PPM1H: variants seen among roughly 807,000 people sequenced by gnomAD.
The protein encoded by PPM1H is protein phosphatase, Mg2+/Mn2+ dependent 1H.
A neutral mutation model predicts 54.9 loss-of-function variants in PPM1H; 27 were observed. That is an observed-to-expected ratio of 0.49 (90% CI 0.36 to 0.68). The LOEUF is 0.68. Among genes scored for constraint, PPM1H ranks in the 30% least tolerant of loss-of-function variants. The pLI, the probability that PPM1H is intolerant of heterozygous loss-of-function variation, is 0.00. For synonymous variants in PPM1H, 305 were observed against 270.8 expected (o/e 1.13, Z -1.24); for missense variants, 596 against 667.8 (o/e 0.89, Z 1.19).
chr12:62,871,511 C>CTTTTT (rs375570472), intron 1 of PPM1H, among the ~76,000 whole-genome samples: 1 of 119,162 alleles, frequency 8.4e-6, no homozygotes, highest in Admixed American at 8.8e-5. Flanking sequence ...AACTGTGGTA[C>CTTTTT]TTTTTTTTTT....
intron 1 of PPM1H, among the ~76,000 whole-genome samples, chr12:62,858,490 G>T (rs77591420): frequency 0.029 from 4,352 of 152,046 alleles, 96 homozygotes; most frequent in East Asian, 0.081. Context: ...AACTCTACAG[G>T]TTTCCTAAAA....
intron 1 of PPM1H, among the ~76,000 whole-genome samples, chr12:62,843,541 A>G (rs951248308): frequency 6.6e-6 from 1 of 152,208 alleles, no homozygotes; most frequent in Admixed American, 6.5e-5. Context: ...GCTCACACAT[A>G]TGATAATCTT....
intron 3 of PPM1H, among the ~76,000 whole-genome samples, chr12:62,800,080 A>C (rs1324830918): frequency 1.3e-5 from 2 of 152,258 alleles, no homozygotes; most frequent in Non-Finnish European, 1.5e-5. Flanking sequence ...AAAAGCTGAG[A>C]CCAAAGAAGG....
At chr12:62,899,726 A>T (rs1871101177) in intron 1 of PPM1H, among the ~76,000 whole-genome samples, 1 of 152,252 alleles carries the variant, frequency 6.6e-6, no homozygotes, top group African/African-American at 2.4e-5. Flanking sequence ...AAACAGCCTC[A>T]GTCCTCACTA....
intron 4 of PPM1H, among the ~76,000 whole-genome samples, chr12:62,740,375 T>C (rs1592573184): frequency 6.6e-6 from 1 of 152,196 alleles, no homozygotes; most frequent in Non-Finnish European, 1.5e-5. Flanking sequence ...GCACCAGGGA[T>C]ACAACTTCTT....
At chr12:62,816,153 C>T (rs2120793317) in intron 2 of PPM1H, among the ~76,000 whole-genome samples, 1 of 152,198 alleles carries the variant, frequency 6.6e-6, no homozygotes, top group Middle Eastern at 3.4e-3. Context: ...GTCTCAACTG[C>T]TAATGGATAC....
chr12:62,855,166 T>G (rs1239865691), intron 1 of PPM1H, among the ~76,000 whole-genome samples: 1 of 152,204 alleles, frequency 6.6e-6, no homozygotes, highest in Admixed American at 6.5e-5. Context: ...CCAGTTTGCC[T>G]GGCACTATTC....
intron 6 of PPM1H, among the ~76,000 whole-genome samples, chr12:62,704,663 G>A (rs1592553305): frequency 6.6e-6 from 1 of 152,320 alleles, no homozygotes; most frequent in African/African-American, 2.4e-5. Context: ...ATTAATATTT[G>A]GTGATAAACA....
intron 5 of PPM1H, among the ~76,000 whole-genome samples, chr12:62,726,876 A>G (rs2076292785): frequency 6.6e-6 from 1 of 152,118 alleles, no homozygotes; most frequent in Non-Finnish European, 1.5e-5. Context: ...AAAGTCTGTA[A>G]AGTGTTGGGG....
At chr12:62,787,349 G>C (rs1028609977) in intron 4 of PPM1H, among the ~76,000 whole-genome samples, 2 of 152,170 alleles carry the variant, frequency 1.3e-5, no homozygotes, top group Non-Finnish European at 2.9e-5. Flanking sequence ...GAAGAGTCCT[G>C]TACTTTTACT....
intron 5 of PPM1H, among the ~76,000 whole-genome samples, chr12:62,734,179 A>G (rs535810883): frequency 1.3e-5 from 2 of 150,680 alleles, no homozygotes; most frequent in Non-Finnish European, 2.9e-5. Context: ...ACGGCTGCCT[A>G]CAAATCAGGA....
intron 2 of PPM1H, among the ~76,000 whole-genome samples, chr12:62,824,430 C>T (rs1230463997): frequency 2.0e-5 from 3 of 152,144 alleles, no homozygotes; most frequent in Non-Finnish European, 4.4e-5. Context: ...CAAAATAGAG[C>T]CCACATTGCC....
chr12:62,822,421 C>T (rs1318136163), intron 2 of PPM1H, among the ~76,000 whole-genome samples: 1 of 152,178 alleles, frequency 6.6e-6, no homozygotes, highest in East Asian at 1.9e-4. Context: ...ATCTACAGAA[C>T]TCTCCACCCC....
chr12:62,712,913 AT>A (rs1169789123), intron 6 of PPM1H, among the ~76,000 whole-genome samples: 2 of 152,198 alleles, frequency 1.3e-5, no homozygotes, highest in Non-Finnish European at 2.9e-5. Context: ...CAATAAATCA[AT>A]TTATATTAAA....
At chr12:62,927,673 AAAG>A (rs879584365) in intron 1 of PPM1H, among the ~76,000 whole-genome samples, 107 of 151,916 alleles carry the variant, frequency 7.0e-4, no homozygotes, top group Middle Eastern at 3.4e-3. Context: ...AAAAAAAAAA[AAAG>A]AAAAGAAAAA....
At position 62,690,666 on chromosome 12, in the gene PPM1H, C is replaced by T. The variant is rs115249167; in HGVS notation, c.1138-860G>A. 5.0e-3 allele frequency among the ~76,000 whole-genome samples: 761 copies of T among 152,302 alleles called. 7 individuals carry two copies. The highest frequency in any genetic ancestry group is 0.017 in the African/African-American group (714 of 41,566). On this transcript the variant is annotated intron_variant, in intron 7 of 9. Coordinates refer to ENST00000228705, the MANE Select transcript of PPM1H (RefSeq NM_020700.2). ...TTGGGGACACAAATGTCTAAGGCCT[C>T]GTCCCTACTACAAAGAAACTTGGGG...
At chr12:62,660,797 G>T (rs1196729866) in intron 9 of PPM1H, among the ~76,000 whole-genome samples, 1 of 152,172 alleles carries the variant, frequency 6.6e-6, no homozygotes, top group African/African-American at 2.4e-5. Context: ...AGGTTTCTTG[G>T]CTAAGACCTA....
chr12:62,779,235 G>A (rs970941506), intron 4 of PPM1H, among the ~76,000 whole-genome samples: 2 of 151,986 alleles, frequency 1.3e-5, no homozygotes, highest in African/African-American at 4.8e-5. Context: ...TTTTAGTAGA[G>A]ACGGGGTTTC....
chr12:62,911,480 C>T (rs923993019), intron 1 of PPM1H, among the ~76,000 whole-genome samples: 4 of 152,182 alleles, frequency 2.6e-5, no homozygotes, highest in Non-Finnish European at 2.9e-5. Flanking sequence ...CCTAAATGTA[C>T]GAGTCAGCAT....
Sources: allele counts gnomAD v4.1 joint callset (sites outside exome capture counted in the v4.1 genomes callset), GRCh38; gene constraint gnomAD v4.1.1; transcripts MANE v1.5; gene names NCBI Gene and HGNC (gene_info 2026-07-23, HGNC 2026-07-21).